MKX: variants seen among roughly 807,000 people sequenced by gnomAD.
MKX encodes the protein homeobox protein Mohawk.
Under a neutral mutation model 36.0 loss-of-function variants are expected in MKX, and 13 were observed. That is an observed-to-expected ratio of 0.36 (90% CI 0.24 to 0.57). The LOEUF (loss-of-function observed/expected upper bound fraction) is 0.57, where lower values mean the gene tolerates loss of function less well. Among genes scored for constraint, MKX ranks in the 20% least tolerant of loss-of-function variants. MKX has a pLI of 0.79. For missense variants in MKX, 458 were observed against 456.4 expected (o/e 1.00, Z -0.03); for synonymous variants, 176 against 178.3 (o/e 0.99, Z 0.10).
At chr10:27,713,832 T>C (rs1436122421) in intron 5 of MKX, among the ~76,000 whole-genome samples, 1 of 152,088 alleles carries the variant, frequency 6.6e-6, no homozygotes, top group East Asian at 1.9e-4. Flanking sequence ...ATGGATGTTA[T>C]TGCCCTCTTC....
At chr10:27,726,107 A>G (rs1834483601) in intron 5 of MKX, among the ~76,000 whole-genome samples, 1 of 152,230 alleles carries the variant, frequency 6.6e-6, no homozygotes, top group South Asian at 2.1e-4. Context: ...CAGAAAGTCA[A>G]TTATGATCAA....
chr10:27,706,218 CTTTAAGGCTGAATAATA>C (rs1739105714), intron 5 of MKX, among the ~76,000 whole-genome samples: 1 of 152,086 alleles, frequency 6.6e-6, no homozygotes, highest in Non-Finnish European at 1.5e-5. Flanking sequence ...TTTCCTTCCT[CTTTAAGGCTGAATAATA>C]TTCAAATATA....
chr10:27,745,452 C>G (rs1177823647), intron 1 of MKX: 1 of 152,386 alleles, frequency 6.6e-6, no homozygotes, highest in African/African-American at 2.4e-5. Context: ...CCGGGGAGGT[C>G]ACTCCCTGCA....
At chr10:27,703,304 T>G (rs1487861083) in intron 5 of MKX, among the ~76,000 whole-genome samples, 1 of 152,200 alleles carries the variant, frequency 6.6e-6, no homozygotes, top group Non-Finnish European at 1.5e-5. Flanking sequence ...ATTGCCTTCA[T>G]TTTATAGAGA....
intron 5 of MKX, among the ~76,000 whole-genome samples, chr10:27,679,477 G>A (rs1354557652): frequency 6.6e-6 from 1 of 152,200 alleles, no homozygotes; most frequent in African/African-American, 2.4e-5. Context: ...CGCTTTTCCT[G>A]AGGCTGTTAC....
chr10:27,686,442 G>A (rs1265917322), intron 5 of MKX, among the ~76,000 whole-genome samples: 2 of 148,198 alleles, frequency 1.3e-5, no homozygotes, highest in Non-Finnish European at 3.0e-5. Context: ...AGGAAGGAAG[G>A]AAGGAAAGAG....
intron 5 of MKX, among the ~76,000 whole-genome samples, chr10:27,712,045 C>T (rs1373589735): frequency 2.0e-5 from 3 of 152,078 alleles, no homozygotes; most frequent in African/African-American, 4.8e-5. Flanking sequence ...GTGAAGGAGA[C>T]GGGCAGGGCC....
chr10:27,682,630 T>A (rs1836274044), intron 5 of MKX, among the ~76,000 whole-genome samples: 1 of 151,930 alleles, frequency 6.6e-6, no homozygotes, highest in Non-Finnish European at 1.5e-5. Context: ...TGGGGGTGCG[T>A]TTCAGGATAA....
At chr10:27,708,056 C>A (rs1028631189) in intron 5 of MKX, among the ~76,000 whole-genome samples, 4 of 152,112 alleles carry the variant, frequency 2.6e-5, no homozygotes, top group African/African-American at 9.7e-5. Flanking sequence ...AAATAACGTT[C>A]TTCTACATTT....
chr10:27,732,667 G>C (rs571800104), intron 5 of MKX, among the ~76,000 whole-genome samples: 44 of 151,708 alleles, frequency 2.9e-4, no homozygotes, highest in Middle Eastern at 3.4e-3. Context: ...TTCTTTCCCT[G>C]TCTCTAAAAA....
chr10:27,722,543 C>A (rs1454376730), intron 5 of MKX, among the ~76,000 whole-genome samples: 1 of 152,200 alleles, frequency 6.6e-6, no homozygotes, highest in Non-Finnish European at 1.5e-5. Flanking sequence ...AAAACACACA[C>A]CCAGTTGCTA....
At chr10:27,743,042 A>C (rs780654533) in intron 2 of MKX, among the ~76,000 whole-genome samples, 186 bp downstream of exon 2, 33 of 152,218 alleles carry the variant, frequency 2.2e-4, no homozygotes, top group Non-Finnish European at 3.4e-4. Context: ...TTGATCCCTC[A>C]TGTTTTAAGA....
At chr10:27,698,947 A>G (rs1269743793) in intron 5 of MKX, among the ~76,000 whole-genome samples, 2 of 152,234 alleles carry the variant, frequency 1.3e-5, no homozygotes, top group Admixed American at 1.3e-4. Context: ...ATATTTTTCC[A>G]TATGCTCAGC....
intron 5 of MKX, among the ~76,000 whole-genome samples, chr10:27,680,198 G>C (rs961765500): frequency 6.6e-6 from 1 of 152,088 alleles, no homozygotes; most frequent in Non-Finnish European, 1.5e-5. Flanking sequence ...CTCTTACTCT[G>C]CAAGTAGCTT....
rs1209088294 is a variant in MKX at position 27,682,844 on chromosome 10, T to TG, written c.839-7291dup. ...AAATACAAAAATTAGCCAGGCATGGTGGCAGTCACCTGTAATCCCAGCTAC... is the reference window on the plus strand; with the variant it reads ...AAATACAAAAATTAGCCAGGCATGGTGGGCAGTCACCTGTAATCCCAGCTAC... On this transcript the variant is annotated intron_variant, in intron 5 of 6. Transcript: ENST00000419761. Among the ~76,000 whole-genome samples, 8 of 152,030 alleles carry TG rather than the reference T, an allele frequency of 5.3e-5. No individual in the cohort carries two copies. In the East Asian group the frequency reaches 1.5e-3, roughly 29 times the overall value.
chr10:27,675,928 A>G (rs1042603973), intron 5 of MKX, among the ~76,000 whole-genome samples: 2 of 152,194 alleles, frequency 1.3e-5, no homozygotes, highest in African/African-American at 4.8e-5. Flanking sequence ...ACCTGGGGGC[A>G]GATTATGACC....
chr10:27,710,814 C>T (rs151339001), intron 5 of MKX, among the ~76,000 whole-genome samples: 2 of 152,148 alleles, frequency 1.3e-5, no homozygotes, highest in Non-Finnish European at 2.9e-5. Flanking sequence ...TGAGTCACTA[C>T]ATATGGGCTA....
intron 5 of MKX, among the ~76,000 whole-genome samples, chr10:27,694,209 C>G (rs1288471870): frequency 6.6e-6 from 1 of 151,908 alleles, no homozygotes. Flanking sequence ...TTTTAACAAC[C>G]ACTAACATAC....
chr10:27,679,337 A>G (rs1836211502), intron 5 of MKX, among the ~76,000 whole-genome samples: 1 of 151,922 alleles, frequency 6.6e-6, no homozygotes, highest in Admixed American at 6.6e-5. Context: ...TGCATACAAC[A>G]AAGCTCAATC....
Sources: gnomAD v4.1 joint callset for allele counts (sites outside exome capture counted in the v4.1 genomes callset) on GRCh38, gnomAD v4.1.1 for gene constraint, MANE v1.5 for transcripts, NCBI Gene and HGNC (gene_info 2026-07-23, HGNC 2026-07-21) for gene names.